Variants in DTYMK observed in about 807,000 individuals in gnomAD.
DTYMK encodes thymidylate kinase.
DTYMK carries 20 observed loss-of-function variants against 20.3 expected under a neutral mutation model. That is an observed-to-expected ratio of 0.99 (90% CI 0.69 to 1.43). The LOEUF (loss-of-function observed/expected upper bound fraction) is 1.43, where lower values mean the gene tolerates loss of function less well. Among genes scored for constraint, DTYMK ranks in the 40% most tolerant of loss-of-function variants. The pLI, the probability that DTYMK is intolerant of heterozygous loss-of-function variation, is 0.00. For synonymous variants in DTYMK, 148 were observed against 124.4 expected (o/e 1.19, Z -1.27); for missense variants, 320 against 291.1 (o/e 1.10, Z -0.72).
chr2:241,683,183 C>T (rs1158145549), intron 2 of DTYMK, among the ~76,000 whole-genome samples: 1 of 152,208 alleles, frequency 6.6e-6, no homozygotes, highest in Non-Finnish European at 1.5e-5. Context: ...CATCATATGT[C>T]AGCAGGGAAA....
intron 4 of DTYMK, among the ~76,000 whole-genome samples, chr2:241,677,924 C>T (rs1455364690): frequency 6.6e-6 from 1 of 152,248 alleles, no homozygotes; most frequent in East Asian, 1.9e-4. Context: ...AGACTCTCAC[C>T]TGACCCACCA....
At chr2:241,676,894 G>A in intron 4 of DTYMK, among the ~76,000 whole-genome samples, 1 of 152,262 alleles carries the variant, frequency 6.6e-6, no homozygotes, top group Non-Finnish European at 1.5e-5. Context: ...GGAAGGTGAG[G>A]AAGTTCCGCA....
intron 3 of DTYMK, among the ~76,000 whole-genome samples, chr2:241,679,653 C>A (rs2069195128): frequency 6.6e-6 from 1 of 151,696 alleles, no homozygotes; most frequent in African/African-American, 2.4e-5. Flanking sequence ...GAAAAAAGTA[C>A]TACAAATGAA....
In DTYMK at chr2:241,676,193, G is replaced by C. The variant is rs758962690; in HGVS notation, c.573C>G (p.Ile191Met). The C allele has an allele frequency of 1.2e-6, 2 of 1,613,266 alleles. No homozygotes were observed. Among genetic ancestry groups the C allele is most frequent in the Non-Finnish European group, 8.5e-7 (1 of 1,179,882 alleles). The change falls in exon 5 of 5, where the codon ATC (isoleucine) becomes ATG (methionine). Residue 191 changes from isoleucine to methionine, a missense_variant. Ile to Met is a conservative substitution (Grantham distance 10). Transcript: ENST00000305784. ...SKSIEAVHED[I>M]RVLSEDAIRT... is the part of the protein sequence containing the mutation. Reference sequence around the variant, plus strand: ...GGATGGCGTCCTCAGAGAGCACGCGGATGTCCTCATGGACAGCTTCGATGC... The same window carrying C: ...GGATGGCGTCCTCAGAGAGCACGCGCATGTCCTCATGGACAGCTTCGATGC...
chr2:241,686,584 C>T, intron 1 of DTYMK, 70 bp downstream of exon 1: 6 of 1,411,202 alleles, frequency 4.3e-6, no homozygotes, highest in Non-Finnish European at 5.5e-6. Context: ...GACAACGAAG[C>T]GGAGCAAAGA....
intron 2 of DTYMK, among the ~76,000 whole-genome samples, chr2:241,683,258 A>C (rs2069307422): frequency 1.3e-5 from 2 of 152,194 alleles, no homozygotes; most frequent in Non-Finnish European, 2.9e-5. Context: ...AACACTGACA[A>C]CACCAAATGC....
intron 2 of DTYMK, among the ~76,000 whole-genome samples, chr2:241,681,069 G>A (rs147946355): frequency 8.7e-4 from 132 of 152,302 alleles, no homozygotes; most frequent in African/African-American, 2.8e-3. Context: ...CTGCAAGGAT[G>A]TTCTCAGCCA....
At chr2:241,682,029 G>A in intron 2 of DTYMK, 1 of 324,020 alleles carries the variant, frequency 3.1e-6, no homozygotes, top group South Asian at 2.3e-5. Context: ...GGGCAACAGA[G>A]CAAGACATTT....
At chr2:241,685,653 G>T in intron 2 of DTYMK, 116 bp downstream of exon 2, 2 of 1,122,708 alleles carry the variant, frequency 1.8e-6, no homozygotes, top group African/African-American at 1.5e-5. Context: ...CTAAACAGAA[G>T]AACATCAGGC....
chr2:241,680,212 G>C lies in DTYMK; in HGVS notation c.330+17C>G. The C allele has an allele frequency of 1.2e-6, 2 of 1,613,714 alleles. No individual in the cohort carries two copies. Among genetic ancestry groups the C allele is most frequent in the Non-Finnish European group, 1.7e-6 (2 of 1,179,720 alleles). ...ACACATCTGTGCTCGCCTGACAGGA[G>C]GCCAAGTGGCACTCACCTCCTTGGC... On this transcript the variant is annotated intron_variant, in intron 3 of 4. Coordinates refer to ENST00000305784, the MANE Select transcript of DTYMK (RefSeq NM_012145.4).
At position 241,680,321 on chromosome 2, in the gene DTYMK, T is replaced by C. The variant is rs997733370; in HGVS notation, c.240-2A>G. On this transcript the variant is annotated splice_acceptor_variant, in intron 2 of 4. Coordinates refer to ENST00000305784, the MANE Select transcript of DTYMK (RefSeq NM_012145.4). LOFTEE classifies it high-confidence loss of function. ...CTCAACTTTTCCTTAATTAACGGCC[T>C]GAAAAAGAGGATGCTCCTGAGCCCT... 18 of 1,613,848 alleles carry C rather than the reference T, an allele frequency of 1.1e-5. No individual in the cohort carries two copies. Among genetic ancestry groups the C allele is most frequent in the Non-Finnish European group, 1.5e-5 (18 of 1,179,942 alleles).
chr2:241,686,598 C>G, intron 1 of DTYMK, 56 bp downstream of exon 1: 1 of 1,437,782 alleles, frequency 7.0e-7, no homozygotes, highest in East Asian at 2.8e-5. Context: ...GCAAAGAGCC[C>G]CTGGGAAGGC....
intron 2 of DTYMK, chr2:241,685,448 G>A (rs967178150): frequency 2.8e-4 from 54 of 194,980 alleles, no homozygotes; most frequent in African/African-American, 9.0e-4. Flanking sequence ...CAGGAGAATC[G>A]CTTGAACCTG....
In DTYMK at chr2:241,686,815, C is replaced by T; in HGVS notation, c.-32G>A. The T allele has an allele frequency of 1.4e-6, 2 of 1,430,382 alleles. No homozygotes were observed. Among genetic ancestry groups the T allele is most frequent in the Non-Finnish European group, 9.1e-7 (1 of 1,101,590 alleles). The allele number at this position is 1,430,382 out of a possible 1,614,324, so 88.6% of individuals were successfully genotyped here. ...CCACCGCCCGCCGCTGGCGTCTCCA[C>T]GCAGCCTTCCGGAGCTCCCATTGGC... On this transcript the variant is annotated 5_prime_UTR_variant, in exon 1 of 5. It adds an upstream start codon to the 5' untranslated region. Coordinates refer to ENST00000305784, the MANE Select transcript of DTYMK (RefSeq NM_012145.4).
intron 3 of DTYMK, 131 bp from the exon 4 acceptor site, chr2:241,678,780 C>CTT (rs10663952): frequency 0.22 from 232,548 of 1,059,326 alleles, 27,240 homozygotes; most frequent in East Asian, 0.26. Flanking sequence ...TATTGTGGCT[C>CTT]GTTTAATTTT....
chr2:241,686,808 G>C lies in DTYMK; in HGVS notation c.-25C>G. 1 of 1,440,518 alleles carries C rather than the reference G, an allele frequency of 6.9e-7. No homozygotes were observed. The highest frequency in any genetic ancestry group is 1.5e-5 in the South Asian group (1 of 67,836). 89.2% of individuals were successfully genotyped at this position (1,440,518 alleles called of 1,614,324 possible). A position where few individuals can be genotyped will look rare whatever the true frequency, so the allele number is the denominator to read the frequency against. On this transcript the variant is annotated 5_prime_UTR_variant, in exon 1 of 5. Transcript: ENST00000305784. ...TGACTGTCCACCGCCCGCCGCTGGC[G>C]TCTCCACGCAGCCTTCCGGAGCTCC...
chr2:241,684,893 A>G (rs982737391), intron 2 of DTYMK: 1 of 389,940 alleles, frequency 2.6e-6, no homozygotes, highest in Admixed American at 3.5e-5. Flanking sequence ...CAGGGGTAGT[A>G]TGTAGGGAGC....
chr2:241,683,708 G>T (rs1249588255), intron 2 of DTYMK, among the ~76,000 whole-genome samples: 1 of 152,176 alleles, frequency 6.6e-6, no homozygotes, highest in East Asian at 1.9e-4. Flanking sequence ...ATGTCCTTTA[G>T]TAGGTAATGA....
At chr2:241,686,587 A>G in intron 1 of DTYMK, 67 bp downstream of exon 1, 3 of 1,419,948 alleles carry the variant, frequency 2.1e-6, no homozygotes, top group Non-Finnish European at 2.7e-6. Flanking sequence ...AACGAAGCGG[A>G]GCAAAGAGCC....
Sources: allele counts gnomAD v4.1 joint callset (sites outside exome capture counted in the v4.1 genomes callset), GRCh38; gene constraint gnomAD v4.1.1; transcripts MANE v1.5; gene names NCBI Gene and HGNC (gene_info 2026-07-23, HGNC 2026-07-21).